Variants in TGM6 observed in about 807,000 individuals in gnomAD.
TGM6 encodes the protein protein-glutamine gamma-glutamyltransferase 6.
Under a neutral mutation model 77.5 loss-of-function variants are expected in TGM6, and 74 were observed. That is an observed-to-expected ratio of 0.96 (90% CI 0.79 to 1.16). The LOEUF (loss-of-function observed/expected upper bound fraction) is 1.16. TGM6 is among the 50% of genes most tolerant of loss of function. TGM6 has a pLI of 0.00. For synonymous variants in TGM6, 383 were observed against 378.9 expected, an observed-to-expected ratio of 1.01 and a Z score of -0.12; for missense variants, 968 against 940.2, an observed-to-expected ratio of 1.03 and a Z score of -0.39.
In TGM6 at chr20:2,428,350, T is replaced by C. The variant is rs537161307; in HGVS notation, c.1679-2096T>C. On this transcript the variant is annotated intron_variant, in intron 10 of 12. Transcript: ENST00000202625. The stretch of plus-strand genomic sequence containing the variant: ...TGAGTCAGAGAACTTCAAAAAGCCC[T>C]GATGCAAACATTTTAAAGGGCTACT... Among the ~76,000 whole-genome samples, 3 of 152,296 alleles carry C rather than the reference T, an allele frequency of 2.0e-5. No individual in the cohort carries two copies. The South Asian group carries it at 6.2e-4, about 32-fold the overall frequency.
chr20:2,417,766 C>T (rs1181812225), intron 10 of TGM6, among the ~76,000 whole-genome samples, 193 bp downstream of exon 10: 1 of 152,122 alleles, frequency 6.6e-6, no homozygotes, highest in African/African-American at 2.4e-5. Context: ...AGGGGCAAAA[C>T]ACTAATAACA....
chr20:2,425,626 C>T (rs547730454), intron 10 of TGM6, among the ~76,000 whole-genome samples: 6 of 152,268 alleles, frequency 3.9e-5, no homozygotes, highest in Admixed American at 1.3e-4. Flanking sequence ...CTTTGTTCCT[C>T]TCCTTCAATA....
chr20:2,399,982 C>T lies in TGM6; in HGVS notation c.850+244C>T, dbSNP rs191294949. Among the ~76,000 whole-genome samples, 147 of 152,264 alleles carry T rather than the reference C, an allele frequency of 9.7e-4. 5 individuals are homozygous for T. In the East Asian group the frequency reaches 0.025, roughly 26 times the overall value. ...CATTGAGTGCCTTGGGCGAGCCCTG[C>T]GGCTCCCTTGGCCTCCAGTCCCCTC... On this transcript the variant is annotated intron_variant, in intron 6 of 12. Coordinates refer to ENST00000202625, the MANE Select transcript of TGM6 (RefSeq NM_198994.3).
chr20:2,396,446 T>A, intron 3 of TGM6, 60 bp from the exon 4 acceptor site: 1 of 1,553,692 alleles, frequency 6.4e-7, no homozygotes, highest in Middle Eastern at 1.7e-4. Context: ...ATGCAGCCCC[T>A]TCCCCAGGCC....
At chr20:2,417,653 C>A in intron 10 of TGM6, 80 bp downstream of exon 10, 1 of 1,441,142 alleles carries the variant, frequency 6.9e-7, no homozygotes, top group Non-Finnish European at 9.4e-7. Flanking sequence ...AGGGATTTCC[C>A]AGGACTGCAT....
intron 3 of TGM6, 150 bp from the exon 4 acceptor site, chr20:2,396,356 C>A: frequency 1.3e-6 from 1 of 747,824 alleles, no homozygotes; most frequent in Non-Finnish European, 2.4e-6. Context: ...GGCAGGGAGG[C>A]AGCACGGGAG....
intron 10 of TGM6, among the ~76,000 whole-genome samples, chr20:2,429,375 G>A (rs1169634384): frequency 6.6e-6 from 1 of 151,720 alleles, no homozygotes; most frequent in Non-Finnish European, 1.5e-5. Flanking sequence ...AATAAAGGAA[G>A]CAGTGGGAGT....
At chr20:2,385,220 G>A (rs765179450) in intron 1 of TGM6, among the ~76,000 whole-genome samples, 20 of 152,322 alleles carry the variant, frequency 1.3e-4, no homozygotes, top group African/African-American at 3.4e-4. Flanking sequence ...CCTCTTGCCC[G>A]TCTGTGTTAA....
chr20:2,414,450 T>C (rs1300854439), intron 9 of TGM6, among the ~76,000 whole-genome samples: 1 of 152,180 alleles, frequency 6.6e-6, no homozygotes, highest in Non-Finnish European at 1.5e-5. Flanking sequence ...GAAACACTCA[T>C]ACATTGCTGG....
At position 2,399,723 on chromosome 20, in the gene TGM6, G is replaced by A. The variant is rs375595045; in HGVS notation, c.835G>A (p.Gly279Arg). The A allele has an allele frequency of 4.2e-5, 67 of 1,613,952 alleles. No individual in the cohort carries two copies. The highest frequency in any genetic ancestry group is 1.9e-4 in the African/African-American group (14 of 75,036). The change falls in exon 6 of 13, where the codon GGA becomes AGA. Residue 279 changes from glycine (G) to arginine (R), a missense_variant. Coordinates refer to ENST00000202625, the MANE Select transcript of TGM6 (RefSeq NM_198994.3). ...GTACGGCCAGTGCTGGGTCTTCGCC[G>A]GAGTCCTGTGCACAGGTACCCTGGG... is the stretch of plus-strand genomic sequence containing the variant. The part of the protein sequence containing the change: ...VKYGQCWVFA[G>R]VLCTVLRCLG...
At chr20:2,386,170 C>T (rs2084594286) in intron 1 of TGM6, among the ~76,000 whole-genome samples, 2 of 152,180 alleles carry the variant, frequency 1.3e-5, no homozygotes, top group South Asian at 2.1e-4. Flanking sequence ...CTAAGAGGGA[C>T]ACTGGCTAGG....
chr20:2,396,145 A>G (rs1197558489), intron 3 of TGM6, among the ~76,000 whole-genome samples: 1 of 150,006 alleles, frequency 6.7e-6, no homozygotes, highest in Non-Finnish European at 1.5e-5. Context: ...GCGCCATTGT[A>G]CTCCAGCCTG....
chr20:2,398,172 C>T, intron 5 of TGM6, 126 bp downstream of exon 5: 1 of 1,496,562 alleles, frequency 6.7e-7, no homozygotes, highest in Non-Finnish European at 9.2e-7. Context: ...GAACCAACCA[C>T]CCCAAAACTC....
chr20:2,396,706 C>G, intron 4 of TGM6, 82 bp downstream of exon 4: 1 of 1,312,424 alleles, frequency 7.6e-7, no homozygotes, highest in Non-Finnish European at 1.1e-6. Context: ...TGTCTGCTCA[C>G]TCTTCTCAGG....
chr20:2,391,054 G>C (rs532400632), intron 1 of TGM6, among the ~76,000 whole-genome samples: 138 of 131,748 alleles, frequency 1.0e-3, no homozygotes, highest in Non-Finnish European at 1.9e-3. Flanking sequence ...GGAACCAATG[G>C]AGAGCTTGAG....
At chr20:2,406,077 A>G (rs556046623) in intron 9 of TGM6, among the ~76,000 whole-genome samples, 1 of 151,902 alleles carries the variant, frequency 6.6e-6, no homozygotes, top group Non-Finnish European at 1.5e-5. Flanking sequence ...CACACCCCCA[A>G]CTCACACTTT....
chr20:2,428,948 C>T (rs13037449), intron 10 of TGM6, among the ~76,000 whole-genome samples: 33,847 of 150,570 alleles, frequency 0.22, 3,951 homozygotes, highest in South Asian at 0.3. Context: ...CTCAGCCTCC[C>T]AAGTAGCTGG....
At chr20:2,409,740 A>G (rs1272589139) in intron 9 of TGM6, among the ~76,000 whole-genome samples, 2 of 151,862 alleles carry the variant, frequency 1.3e-5, no homozygotes, top group Non-Finnish European at 1.5e-5. Flanking sequence ...GAAAAAGAAG[A>G]GCAAACTAAA....
intron 10 of TGM6, among the ~76,000 whole-genome samples, chr20:2,429,572 C>T (rs1288392773): frequency 3.3e-5 from 5 of 151,696 alleles, no homozygotes; most frequent in African/African-American, 9.7e-5. Flanking sequence ...AGATCGAGAC[C>T]ATCCTGGCGA....
Sources: allele counts gnomAD v4.1 joint callset (sites outside exome capture counted in the v4.1 genomes callset), GRCh38; gene constraint gnomAD v4.1.1; transcripts MANE v1.5; gene names NCBI Gene and HGNC (gene_info 2026-07-23, HGNC 2026-07-21).